DCC: variants seen among roughly 807,000 people sequenced by gnomAD.
DCC encodes netrin receptor DCC.
In DCC, 58 loss-of-function variants were observed where a neutral mutation model predicts 172.5. The ratio of observed to expected loss-of-function variants is 0.34; its 90% confidence interval spans 0.27 to 0.42. The LOEUF is 0.42. Ranked by LOEUF, DCC falls within the 10% of genes least tolerant of loss-of-function variation. The pLI is 1.00. For missense variants in DCC, 1,740 were observed against 1,791.0 expected, an observed-to-expected ratio of 0.97 and a Z score of 0.51; for synonymous variants, 709 against 644.5, an observed-to-expected ratio of 1.10 and a Z score of -1.52.
chr18:52,518,820 T>A (rs2031719366), intron 1 of DCC, among the ~76,000 whole-genome samples: 1 of 152,242 alleles, frequency 6.6e-6, no homozygotes, highest in African/African-American at 2.4e-5. Flanking sequence ...GGTGCATTTT[T>A]GTTTTATTTG....
chr18:53,219,256 G>T (rs868395116), intron 12 of DCC, among the ~76,000 whole-genome samples: 2 of 152,086 alleles, frequency 1.3e-5, no homozygotes, highest in Non-Finnish European at 2.9e-5. Flanking sequence ...GAGAGAGCTG[G>T]ATAGAGAATC....
At chr18:53,072,438 C>G (rs1052360824) in intron 7 of DCC, among the ~76,000 whole-genome samples, 6 of 152,052 alleles carry the variant, frequency 3.9e-5, no homozygotes, top group Non-Finnish European at 8.8e-5. Flanking sequence ...GTTTCTTATC[C>G]TGGTTCTAGA....
At chr18:52,638,208 G>A (rs1303036132) in intron 1 of DCC, among the ~76,000 whole-genome samples, 3 of 151,728 alleles carry the variant, frequency 2.0e-5, no homozygotes, top group South Asian at 2.1e-4. Context: ...CATCCAAACA[G>A]AACCTCTTTA....
At chr18:52,416,105 T>C (rs1435245105) in intron 1 of DCC, among the ~76,000 whole-genome samples, 4 of 152,218 alleles carry the variant, frequency 2.6e-5, no homozygotes, top group Non-Finnish European at 5.9e-5. Flanking sequence ...AGAACATCTT[T>C]ATTTCTGCCT....
intron 2 of DCC, among the ~76,000 whole-genome samples, chr18:52,814,900 G>C (rs1036707412): frequency 6.6e-6 from 1 of 152,178 alleles, no homozygotes; most frequent in Non-Finnish European, 1.5e-5. Context: ...ACCCTGGAAT[G>C]AGGTGGTGAT....
At chr18:52,902,412 GT>G (rs2039823071) in intron 2 of DCC, among the ~76,000 whole-genome samples, 1 of 152,172 alleles carries the variant, frequency 6.6e-6, no homozygotes, top group Non-Finnish European at 1.5e-5. Context: ...CGGATCAGAT[GT>G]GGCCTAATGA....
chr18:52,704,322 A>G (rs1218148263), intron 1 of DCC, among the ~76,000 whole-genome samples: 1 of 152,134 alleles, frequency 6.6e-6, no homozygotes, highest in Non-Finnish European at 1.5e-5. Context: ...TTTTTAAAAA[A>G]AGAGAGAGAG....
At chr18:52,526,276 A>T (rs898880269) in intron 1 of DCC, among the ~76,000 whole-genome samples, 11 of 152,178 alleles carry the variant, frequency 7.2e-5, no homozygotes, top group Non-Finnish European at 1.6e-4. Context: ...AGAAAGAGGA[A>T]CTAAGGGGAG....
In DCC at chr18:53,155,263, C is replaced by T. The variant is rs540216323; in HGVS notation, c.1262-2093C>T. Among the ~76,000 whole-genome samples the T allele has an allele frequency of 2.0e-5, 3 of 152,170 alleles. No individual in the cohort carries two copies. In the South Asian group the frequency reaches 6.2e-4, roughly 32 times the overall value. On this transcript the variant is annotated intron_variant, in intron 7 of 28. Transcript: ENST00000442544. The stretch of plus-strand genomic sequence containing the variant: ...ACTCATGGCAGTGATACCACTCAGC[C>T]AGTCGCTATACAAAGTGAATGCAAG...
intron 27 of DCC, among the ~76,000 whole-genome samples, chr18:53,521,465 AG>A (rs1388141046): frequency 6.6e-6 from 1 of 152,152 alleles, no homozygotes; most frequent in Non-Finnish European, 1.5e-5. Flanking sequence ...TGATAACCGT[AG>A]GCTATGCCTA....
chr18:52,497,280 A>AATAT (rs1172366771), intron 1 of DCC, among the ~76,000 whole-genome samples: 46 of 21,438 alleles, frequency 2.1e-3, no homozygotes, highest in Non-Finnish European at 3.8e-3. Context: ...AAAAAAAAAA[A>AATAT]ATATATATAT....
intron 23 of DCC, among the ~76,000 whole-genome samples, chr18:53,451,618 TG>T (rs1386850534): frequency 1.3e-5 from 2 of 152,176 alleles, no homozygotes; most frequent in Admixed American, 6.5e-5. Flanking sequence ...GGTTCATAGG[TG>T]GCTGGTTTGA....
At chr18:52,513,419 G>A (rs200523604) in intron 1 of DCC, among the ~76,000 whole-genome samples, 1 of 138,012 alleles carries the variant, frequency 7.2e-6, no homozygotes, top group African/African-American at 2.7e-5. Context: ...CCCACTTCAA[G>A]GACTGTGTGA....
At chr18:52,389,049 T>A (rs1404832166) in intron 1 of DCC, among the ~76,000 whole-genome samples, 11 of 152,060 alleles carry the variant, frequency 7.2e-5, no homozygotes, top group African/African-American at 2.4e-4. Context: ...TGGGGAAGAA[T>A]ATGTGTATCC....
intron 1 of DCC, among the ~76,000 whole-genome samples, chr18:52,546,607 A>T (rs1444297005): frequency 6.6e-6 from 1 of 152,082 alleles, no homozygotes; most frequent in East Asian, 1.9e-4. Flanking sequence ...CTCAATTTGC[A>T]AACAGAGAAA....
At chr18:52,724,275 T>G (rs1269371437) in intron 1 of DCC, among the ~76,000 whole-genome samples, 1 of 152,164 alleles carries the variant, frequency 6.6e-6, no homozygotes, top group Non-Finnish European at 1.5e-5. Context: ...GCCTCCTTAG[T>G]AGCTGAGACT....
intron 9 of DCC, among the ~76,000 whole-genome samples, chr18:53,186,229 G>A (rs1215689600): frequency 6.6e-6 from 1 of 152,236 alleles, no homozygotes; most frequent in Admixed American, 6.5e-5. Context: ...ACATAAGGGA[G>A]TGTAGGAAAG....
Position 53,097,987 on chromosome 18 carries a change from C to T in DCC, c.1261+31821C>T, listed in dbSNP as rs112852760. Among the ~76,000 whole-genome samples the T allele has an allele frequency of 9.4e-3, 1,429 of 152,146 alleles. 30 individuals carry two copies. The highest frequency in any genetic ancestry group is 0.032 in the African/African-American group (1,330 of 41,504). On this transcript the variant is annotated intron_variant, in intron 7 of 28. Coordinates refer to ENST00000442544, the MANE Select transcript of DCC (RefSeq NM_005215.4). ...CTTCAACGTATCAATTTTGAGGCTA[C>T]ACAACTCAGTCAGCTGAAGGCATCA...
intron 7 of DCC, among the ~76,000 whole-genome samples, chr18:53,105,391 A>G (rs1276501057): frequency 6.6e-6 from 1 of 152,022 alleles, no homozygotes; most frequent in African/African-American, 2.4e-5. Context: ...TCTGTCTCGG[A>G]AAGATCTTAG....
Sources: gnomAD v4.1 joint callset for allele counts (sites outside exome capture counted in the v4.1 genomes callset) on GRCh38, gnomAD v4.1.1 for gene constraint, MANE v1.5 for transcripts, NCBI Gene and HGNC (gene_info 2026-07-23, HGNC 2026-07-21) for gene names.